Variants in FEM1C observed in about 807,000 individuals in gnomAD.
FEM1C encodes fem-1 homolog C.
FEM1C carries 15 observed loss-of-function variants against 37.6 expected under a neutral mutation model. The ratio of observed to expected loss-of-function variants is 0.40; its 90% CI spans 0.27 to 0.61. The LOEUF (loss-of-function observed/expected upper bound fraction) is 0.61. Ranked by LOEUF, FEM1C falls within the 20% of genes least tolerant of loss-of-function variation. The pLI is 0.42. For synonymous variants in FEM1C, 287 were observed against 272.8 expected (o/e 1.05, Z -0.51); for missense variants, 532 against 749.7 (o/e 0.71, Z 3.39).
At chr5:115,531,102 A>C (rs1005970814) in intron 2 of FEM1C, among the ~76,000 whole-genome samples, 3 of 152,142 alleles carry the variant, frequency 2.0e-5, no homozygotes, top group African/African-American at 7.2e-5. Context: ...TAGAAAAGAG[A>C]ATTTAGTGGG....
chr5:115,524,411 G>A lies in FEM1C; in HGVS notation c.1751C>T (p.Thr584Ile), dbSNP rs770413502. ...ACGAGCAGCAAGACACTGCAATGTG[G>A]TATGATTTATAGGCTGGATTAAATT... ...AKNLIQPINH[T>I]TLQCLAARVI... The change falls in exon 3 of 3, where the codon ACC becomes ATC. Residue 584 changes from threonine to isoleucine, a missense_variant. This residue lies in a region of FEM1C where 237 missense variants were observed against 260.5 expected (regional missense o/e 0.91). Coordinates refer to ENST00000274457, the MANE Select transcript of FEM1C (RefSeq NM_020177.3). 6.2e-7 allele frequency: 1 copy of A among 1,613,546 alleles called. No homozygotes were observed. Among genetic ancestry groups the A allele is most frequent in the Admixed American group, 1.7e-5 (1 of 59,910 alleles).
chr5:115,522,409 T>C lies in FEM1C; in HGVS notation c.*1899A>G, dbSNP rs544714934. The stretch of plus-strand genomic sequence containing the variant: ...CATCAAATTTTCCCACAGTGAGAGA[T>C]AGTAAAACCTCTTCATCAAAAAGTT... On this transcript the variant is annotated 3_prime_UTR_variant, in exon 3 of 3. Coordinates refer to ENST00000274457, the MANE Select transcript of FEM1C (RefSeq NM_020177.3). 17 of 152,092 alleles carry C rather than the reference T, an allele frequency of 1.1e-4. No individual in the cohort carries two copies. The highest frequency in any genetic ancestry group is 4.1e-4 in the South Asian group (2 of 4,830). 9.4% of individuals were successfully genotyped at this position (152,092 alleles called of 1,614,324 possible). A position where few individuals can be genotyped will look rare whatever the true frequency, so the allele number is the denominator to read the frequency against.
Position 115,524,860 on chromosome 5 carries a change from G to A in FEM1C, c.1302C>T (p.Asp434=). Reference sequence around the variant, plus strand: ...AAAGGGCCTTATTTAACTGTAATGGGTCAGCTGGACACTGAGTTTGTTTGA... The same window carrying A: ...AAAGGGCCTTATTTAACTGTAATGGATCAGCTGGACACTGAGTTTGTTTGA... ...RAIKQTQCPA[D]PLQLNKALSI... is the part of the protein sequence containing the mutation. The change falls in exon 3 of 3, where the codon GAC becomes GAT. Residue 434 remains aspartate (D), a synonymous_variant. Coordinates refer to ENST00000274457, the MANE Select transcript of FEM1C (RefSeq NM_020177.3). 1 of 1,613,456 alleles carries A rather than the reference G, an allele frequency of 6.2e-7. No individual in the cohort carries two copies. The highest frequency in any genetic ancestry group is 8.5e-7 in the Non-Finnish European group (1 of 1,179,720).
At chr5:115,530,644 T>C (rs1324929347) in intron 2 of FEM1C, among the ~76,000 whole-genome samples, 2 of 152,068 alleles carry the variant, frequency 1.3e-5, no homozygotes, top group Non-Finnish European at 2.9e-5. Context: ...TCTCAACAAA[T>C]GTCAAGGGAC....
At position 115,544,665 on chromosome 5, in the gene FEM1C, A is replaced by C. The variant is rs1355351432; in HGVS notation, c.-333T>G. 6.5e-6 allele frequency: 1 copy of C among 153,574 alleles called. No homozygotes were observed. Among genetic ancestry groups the C allele is most frequent in the Non-Finnish European group, 1.4e-5 (1 of 69,174 alleles). The allele number at this position is 153,574 out of a possible 1,614,324, so 9.5% of individuals were successfully genotyped here. A position where few individuals can be genotyped will look rare whatever the true frequency, so the allele number is the denominator to read the frequency against. ...ACAGCTCCTCCATGCTCCGCGCCCC[A>C]AAGGAATGAATCCGGCCGCGCTGTT... On this transcript the variant is annotated 5_prime_UTR_variant, in exon 1 of 3. Transcript: ENST00000274457.
intron 2 of FEM1C, among the ~76,000 whole-genome samples, chr5:115,535,160 G>A (rs1168419264): frequency 1.3e-5 from 2 of 151,528 alleles, no homozygotes; most frequent in African/African-American, 4.8e-5. Context: ...AGTAAATTCT[G>A]CAGTCTATTC....
intron 2 of FEM1C, among the ~76,000 whole-genome samples, chr5:115,534,916 T>C (rs919841632): frequency 2.0e-4 from 30 of 151,954 alleles, no homozygotes; most frequent in Admixed American, 1.7e-3. Flanking sequence ...GTTTGCTATA[T>C]AGATACTTGC....
chr5:115,538,671 G>A (rs771972169), intron 2 of FEM1C, among the ~76,000 whole-genome samples: 2 of 151,876 alleles, frequency 1.3e-5, no homozygotes, highest in Non-Finnish European at 2.9e-5. Context: ...AACTTTTACT[G>A]GCATGAAAAA....
At position 115,522,319 on chromosome 5, in the gene FEM1C, G is replaced by C. The variant is rs1475992942; in HGVS notation, c.*1989C>G. 2 of 151,860 alleles carry C rather than the reference G, an allele frequency of 1.3e-5. No homozygotes were observed. The highest frequency in any genetic ancestry group is 1.9e-4 in the East Asian group (1 of 5,196). 9.4% of individuals were successfully genotyped at this position (151,860 alleles called of 1,614,324 possible). ...AGATGATTTCAAGATACTGACATTT[G>C]ATATTTCTAGAATATTGGTCTAAAT... On this transcript the variant is annotated 3_prime_UTR_variant, in exon 3 of 3. Transcript: ENST00000274457.
Position 115,521,115 on chromosome 5 carries a change from T to G in FEM1C, c.*3193A>C, listed in dbSNP as rs567335036. The G allele has an allele frequency of 2.0e-5, 3 of 150,662 alleles. No individual in the cohort carries two copies. The East Asian group carries it at 5.8e-4, about 29-fold the overall frequency. The allele number at this position is 150,662 out of a possible 1,614,324, so 9.3% of individuals were successfully genotyped here. A position where few individuals can be genotyped will look rare whatever the true frequency, so the allele number is the denominator to read the frequency against. On this transcript the variant is annotated 3_prime_UTR_variant, in exon 3 of 3. Transcript: ENST00000274457. ...AAAGAAAAAGAAAAAAAGAAAATGA[T>G]GATGACCAATTAGTTTGTTTCCTTA...
chr5:115,524,264 G>T lies in FEM1C; in HGVS notation c.*44C>A. ...AACAGTGCTCATTTATGAAACAACT[G>T]TTACCAATTCGTGCTTTAACAGTGC... On this transcript the variant is annotated 3_prime_UTR_variant, in exon 3 of 3. Transcript: ENST00000274457. 6.6e-7 allele frequency: 1 copy of T among 1,511,532 alleles called. No homozygotes were observed. Among genetic ancestry groups the T allele is most frequent in the South Asian group, 1.1e-5 (1 of 87,544 alleles). 93.6% of individuals were successfully genotyped at this position (1,511,532 alleles called of 1,614,324 possible). A position where few individuals can be genotyped will look rare whatever the true frequency, so the allele number is the denominator to read the frequency against.
Position 115,521,127 on chromosome 5 carries a change from A to T in FEM1C, c.*3181T>A, listed in dbSNP as rs1753765403. ...AAAAAGAAAATGATGATGACCAATT[A>T]GTTTGTTTCCTTAGTATCTAACTCT... On this transcript the variant is annotated 3_prime_UTR_variant, in exon 3 of 3. Transcript: ENST00000274457. 1 of 151,542 alleles carries T rather than the reference A, an allele frequency of 6.6e-6. No individual in the cohort carries two copies. The highest frequency in any genetic ancestry group is 2.4e-5 in the African/African-American group (1 of 41,350). 9.4% of individuals were successfully genotyped at this position (151,542 alleles called of 1,614,324 possible). A position where few individuals can be genotyped will look rare whatever the true frequency, so the allele number is the denominator to read the frequency against.
intron 2 of FEM1C, among the ~76,000 whole-genome samples, chr5:115,526,514 G>A (rs765949546): frequency 1.3e-5 from 2 of 152,090 alleles, no homozygotes; most frequent in Non-Finnish European, 2.9e-5. Context: ...AACAGGCACT[G>A]GCACATTAGT....
intron 2 of FEM1C, 116 bp downstream of exon 2, chr5:115,542,834 C>G: frequency 8.1e-7 from 1 of 1,241,214 alleles, no homozygotes; most frequent in Middle Eastern, 2.1e-4. Context: ...GAAGACTTAC[C>G]TAATCAAAAC....
intron 2 of FEM1C, among the ~76,000 whole-genome samples, chr5:115,530,677 A>G (rs1318892927): frequency 6.6e-6 from 1 of 152,136 alleles, no homozygotes; most frequent in African/African-American, 2.4e-5. Flanking sequence ...GTATGTTCTA[A>G]GTCCACTTAT....
Position 115,543,383 on chromosome 5 carries a change from T to C in FEM1C, c.111A>G (p.Glu37=), listed in dbSNP as rs763426702. The C allele has an allele frequency of 3.7e-6, 6 of 1,614,072 alleles. No individual in the cohort carries two copies. The highest frequency in any genetic ancestry group is 5.1e-6 in the Non-Finnish European group (6 of 1,180,034). ...SKEEVSSLIS[E]KTNGATPLLM... ...AGAGTGGCGTGGCCCCATTTGTTTT[T>C]TCAGAGATCAAGGAGGAAACCTCCT... The change falls in exon 2 of 3, where the codon GAA becomes GAG. Residue 37 remains glutamate (E), a synonymous_variant. Transcript: ENST00000274457.
At chr5:115,526,781 T>C (rs1432609422) in intron 2 of FEM1C, among the ~76,000 whole-genome samples, 1 of 152,110 alleles carries the variant, frequency 6.6e-6, no homozygotes, top group African/African-American at 2.4e-5. Context: ...AGCTGGGAAC[T>C]TGGCTGGTAA....
chr5:115,542,875 A>C, intron 2 of FEM1C, 75 bp downstream of exon 2: 1 of 1,528,880 alleles, frequency 6.5e-7, no homozygotes, highest in Non-Finnish European at 8.8e-7. Flanking sequence ...ACTCAACACC[A>C]GTGCTTATAA....
chr5:115,535,542 A>C (rs1754107861), intron 2 of FEM1C, among the ~76,000 whole-genome samples: 1 of 151,948 alleles, frequency 6.6e-6, no homozygotes, highest in African/African-American at 2.4e-5. Flanking sequence ...TCAAAATCAC[A>C]ATGAGATATC....
Sources: gnomAD v4.1 joint callset for allele counts (sites outside exome capture counted in the v4.1 genomes callset) on GRCh38, gnomAD v4.1.1 for gene constraint, gnomAD v4.1.1 regional missense constraint, MANE v1.5 for transcripts, NCBI Gene and HGNC (gene_info 2026-07-23, HGNC 2026-07-21) for gene names.